PHAX: variants seen among roughly 807,000 people sequenced by gnomAD.
PHAX encodes the protein phosphorylated adapter RNA export protein.
In PHAX, 31 loss-of-function variants were observed where a neutral mutation model predicts 41.6. That is an observed-to-expected ratio of 0.75 (90% CI 0.56 to 1.01). PHAX has a LOEUF of 1.01. Ranked by LOEUF, PHAX falls within the 50% of genes least tolerant of loss-of-function variation. The pLI, the probability that PHAX is intolerant of heterozygous loss-of-function variation, is 0.00. For missense variants in PHAX, 453 were observed against 472.9 expected (o/e 0.96, Z 0.39); for synonymous variants, 175 against 164.9 (o/e 1.06, Z -0.47).
intron 4 of PHAX, among the ~76,000 whole-genome samples, chr5:126,619,949 A>G (rs941889296): frequency 2.6e-5 from 4 of 152,200 alleles, no homozygotes; most frequent in African/African-American, 4.8e-5. Context: ...TTTCCTTATG[A>G]TAACAATGGT....
chr5:126,621,082 C>G (rs765646053), intron 4 of PHAX, among the ~76,000 whole-genome samples: 2 of 152,002 alleles, frequency 1.3e-5, no homozygotes, highest in African/African-American at 4.8e-5. Context: ...TCACCCAGGT[C>G]TCACATTATG....
chr5:126,619,326 C>T (rs1752234735), intron 4 of PHAX, among the ~76,000 whole-genome samples: 1 of 151,988 alleles, frequency 6.6e-6, no homozygotes, highest in Non-Finnish European at 1.5e-5. Context: ...GTCTGTAATT[C>T]CAGCATTTTG....
At chr5:126,621,922 T>C (rs924403215) in intron 4 of PHAX, among the ~76,000 whole-genome samples, 7 of 152,222 alleles carry the variant, frequency 4.6e-5, no homozygotes. Context: ...TCTATTAAAT[T>C]CATAACGCAT....
intron 2 of PHAX, among the ~76,000 whole-genome samples, chr5:126,606,246 A>C (rs1341284396): frequency 6.6e-6 from 1 of 152,096 alleles, no homozygotes; most frequent in Non-Finnish European, 1.5e-5. Context: ...CCCAGGCTGG[A>C]GTGCAGTGTC....
Position 126,624,998 on chromosome 5 carries a change from A to C in PHAX, c.*154A>C. The C allele has an allele frequency of 3.1e-6, 2 of 650,718 alleles. No homozygotes were observed. The highest frequency in any genetic ancestry group is 5.1e-6 in the Non-Finnish European group (2 of 390,450). 40.3% of individuals were successfully genotyped at this position (650,718 alleles called of 1,614,324 possible). A position where few individuals can be genotyped will look rare whatever the true frequency, so the allele number is the denominator to read the frequency against. ...TTAAAATATGTGTGGAAAGGAATGC[A>C]ATTGATAGAACATTTAAAGATATAT... On this transcript the variant is annotated 3_prime_UTR_variant, in exon 5 of 5. Transcript: ENST00000297540.
At chr5:126,602,376 G>A (rs1282474379) in intron 1 of PHAX, among the ~76,000 whole-genome samples, 3 of 152,246 alleles carry the variant, frequency 2.0e-5, no homozygotes, top group Non-Finnish European at 4.4e-5. Flanking sequence ...CCTACAGCAG[G>A]TTTATTTAGC....
chr5:126,601,612 C>T (rs1751905297), intron 1 of PHAX, among the ~76,000 whole-genome samples: 1 of 152,186 alleles, frequency 6.6e-6, no homozygotes, highest in Non-Finnish European at 1.5e-5. Context: ...CATGTTTCCA[C>T]CGAACCTAGC....
intron 1 of PHAX, among the ~76,000 whole-genome samples, chr5:126,602,237 G>T (rs950838155): frequency 6.6e-6 from 1 of 152,132 alleles, no homozygotes. Flanking sequence ...GCGAGCCACC[G>T]CGCCCGGCCC....
intron 1 of PHAX, among the ~76,000 whole-genome samples, chr5:126,601,973 A>G (rs183740217): frequency 6.7e-6 from 1 of 148,968 alleles, no homozygotes; most frequent in East Asian, 2.0e-4. Flanking sequence ...GGCCACATCC[A>G]GCTAATTTTG....
intron 3 of PHAX, among the ~76,000 whole-genome samples, chr5:126,611,779 A>G: frequency 6.8e-6 from 1 of 147,400 alleles, no homozygotes; most frequent in African/African-American, 2.7e-5. Flanking sequence ...TGACAGAGCG[A>G]GACCCTGTCT....
intron 3 of PHAX, among the ~76,000 whole-genome samples, chr5:126,608,775 A>T (rs1359938557): frequency 6.6e-6 from 1 of 151,932 alleles, no homozygotes; most frequent in African/African-American, 2.4e-5. Context: ...TGTCTCTACT[A>T]AAAATACAAA....
At chr5:126,622,791 T>C (rs1320180901) in intron 4 of PHAX, among the ~76,000 whole-genome samples, 1 of 152,058 alleles carries the variant, frequency 6.6e-6, no homozygotes, top group East Asian at 1.9e-4. Flanking sequence ...TTGGAAAAAA[T>C]TGCAAATCAT....
At chr5:126,609,961 T>A (rs193076618) in intron 3 of PHAX, among the ~76,000 whole-genome samples, 4 of 152,242 alleles carry the variant, frequency 2.6e-5, no homozygotes, top group Admixed American at 2.6e-4. Context: ...GGTTGAGAAC[T>A]CCTGAGCTCA....
intron 3 of PHAX, among the ~76,000 whole-genome samples, chr5:126,613,860 C>T (rs548767695): frequency 1.6e-4 from 24 of 151,500 alleles, no homozygotes; most frequent in African/African-American, 2.7e-4. Context: ...ACTGCAGCCT[C>T]GACCTCCCTG....
At chr5:126,604,252 C>T in intron 2 of PHAX, 69 bp downstream of exon 2, 5 of 1,032,938 alleles carry the variant, frequency 4.8e-6, no homozygotes. Context: ...AAATGAATGC[C>T]AAATACTTTA....
At chr5:126,617,989 TA>T (rs1752214618) in intron 4 of PHAX, among the ~76,000 whole-genome samples, 1 of 152,228 alleles carries the variant, frequency 6.6e-6, no homozygotes, top group Non-Finnish European at 1.5e-5. Flanking sequence ...GACCTGGCTC[TA>T]TTGCCCAGGC....
chr5:126,618,934 G>A (rs1198362403), intron 4 of PHAX, among the ~76,000 whole-genome samples: 3 of 152,186 alleles, frequency 2.0e-5, no homozygotes, highest in Admixed American at 2.0e-4. Context: ...TGGGATTCAG[G>A]CATGAGCCAC....
In PHAX at chr5:126,625,321, G is replaced by GCA. The variant is rs1377901625; in HGVS notation, c.*479_*480dup. The GCA allele has an allele frequency of 1.3e-5, 2 of 154,580 alleles. No individual in the cohort carries two copies. The highest frequency in any genetic ancestry group is 2.9e-5 in the Non-Finnish European group (2 of 69,616). 9.6% of individuals were successfully genotyped at this position (154,580 alleles called of 1,614,324 possible). On this transcript the variant is annotated 3_prime_UTR_variant, in exon 5 of 5. Transcript: ENST00000297540. The stretch of plus-strand genomic sequence containing the variant: ...AAGGATAAAAACTAACATTGGCCAG[G>GCA]CACGGTGGCTCACGCCTGTAATCCC...
At position 126,625,113 on chromosome 5, in the gene PHAX, G is replaced by T; in HGVS notation, c.*269G>T. ...TATGAGTATTACTAGTTGATAATCA[G>T]TTTTGTCTAGGTCATAACATACCAT... On this transcript the variant is annotated 3_prime_UTR_variant, in exon 5 of 5. Transcript: ENST00000297540. The T allele has an allele frequency of 2.7e-6, 1 of 374,984 alleles. No homozygotes were observed. The highest frequency in any genetic ancestry group is 4.8e-6 in the Non-Finnish European group (1 of 209,992). The allele number at this position is 374,984 out of a possible 1,614,324, so 23.2% of individuals were successfully genotyped here.
Sources: allele counts gnomAD v4.1 joint callset (sites outside exome capture counted in the v4.1 genomes callset), GRCh38; gene constraint gnomAD v4.1.1; transcripts MANE v1.5; gene names NCBI Gene and HGNC (gene_info 2026-07-23, HGNC 2026-07-21).